Variants in GPR26 observed in about 807,000 individuals in gnomAD.
The protein encoded by GPR26 is G protein-coupled receptor 26.
In GPR26, 15 loss-of-function variants were observed where a neutral mutation model predicts 23.1. That is an observed-to-expected ratio of 0.65 (90% CI 0.43 to 1.00). The LOEUF (loss-of-function observed/expected upper bound fraction) is 1.00. Among genes scored for constraint, GPR26 ranks in the 50% least tolerant of loss-of-function variants. The pLI, the probability that GPR26 is intolerant of heterozygous loss-of-function variation, is 0.00. For missense variants in GPR26, 359 were observed against 470.5 expected (o/e 0.76, Z 2.19); for synonymous variants, 228 against 222.1 (o/e 1.03, Z -0.24).
In GPR26 at chr10:123,696,899, ATGTT is replaced by A. The variant is rs1216794770; in HGVS notation, c.*8743_*8746del. Among the ~76,000 whole-genome samples the A allele has an allele frequency of 6.6e-6, 1 of 151,822 alleles. No individual in the cohort carries two copies. The highest frequency in any genetic ancestry group is 2.4e-5 in the African/African-American group (1 of 41,246). ...CCCATGAGTATATGCATACGGGTGA[ATGTT>A]TGTGTGCCCATGAGTATATGCATAT... is the stretch of plus-strand genomic sequence containing the variant. On this transcript the variant is annotated 3_prime_UTR_variant, in exon 3 of 3. Transcript: ENST00000284674.
In GPR26 at chr10:123,694,711, A is replaced by C. The variant is rs1235175872; in HGVS notation, c.*6551A>C. On this transcript the variant is annotated 3_prime_UTR_variant, in exon 3 of 3. Coordinates refer to ENST00000284674, the MANE Select transcript of GPR26 (RefSeq NM_153442.4). Reference sequence around the variant, plus strand: ...GAAGGAAAAGAAAAAGAAGGAAGGAAGGAGTCCTAGCCACTTCTTTCTCCT... The same window carrying C: ...GAAGGAAAAGAAAAAGAAGGAAGGACGGAGTCCTAGCCACTTCTTTCTCCT... 6.6e-6 allele frequency: 1 copy of C among 152,396 alleles called. No homozygotes were observed. The allele number at this position is 152,396 out of a possible 1,614,324, so 9.4% of individuals were successfully genotyped here.
At chr10:123,668,120 G>A (rs982849616) in intron 1 of GPR26, among the ~76,000 whole-genome samples, 4 of 152,142 alleles carry the variant, frequency 2.6e-5, no homozygotes, top group South Asian at 2.1e-4. Context: ...AGGGCCTTCC[G>A]TGTGGGAGAA....
chr10:123,675,704 G>T (rs1312798331), intron 2 of GPR26, among the ~76,000 whole-genome samples: 2 of 151,940 alleles, frequency 1.3e-5, no homozygotes, highest in Non-Finnish European at 2.9e-5. Context: ...AACTAGTTGA[G>T]AAGTTGACAA....
rs1433826638 is a variant in GPR26, at chr10:123,690,447, A to G, written c.*2287A>G. 6.6e-6 allele frequency: 1 copy of G among 152,224 alleles called. No homozygotes were observed. The highest frequency in any genetic ancestry group is 2.4e-5 in the African/African-American group (1 of 41,454). The allele number at this position is 152,224 out of a possible 1,614,324, so 9.4% of individuals were successfully genotyped here. ...CTGCTTTCTCTGTACTGTATAGGCA[A>G]CATGTTGTACTCCCAGTAGCAACTA... On this transcript the variant is annotated 3_prime_UTR_variant, in exon 3 of 3. Transcript: ENST00000284674.
intron 1 of GPR26, among the ~76,000 whole-genome samples, chr10:123,669,038 G>A (rs896268181): frequency 1.3e-5 from 2 of 152,160 alleles, no homozygotes; most frequent in Admixed American, 6.5e-5. Flanking sequence ...GCTTGCCTTC[G>A]ATTTCCCCTC....
rs767034256 is a variant in GPR26, at chr10:123,666,827, C to T, written c.420C>T (p.Ala140=). The T allele has an allele frequency of 5.0e-6, 8 of 1,609,194 alleles. No homozygotes were observed. The East Asian group carries it at 6.7e-5, about 13-fold the overall frequency. ...TGCACGCGCTCACCTTCCCAGCCGC[C>T]GCGCTCGCCCTGTCCTGGCTCGGCT... The part of the protein sequence containing the change: ...TWLHALTFPA[A]ALALSWLGFH... Residue 140 remains alanine, a synonymous_variant, in exon 1 of 3, where the codon GCC becomes GCT. Transcript: ENST00000284674.
chr10:123,691,397 A>C lies in GPR26; in HGVS notation c.*3237A>C, dbSNP rs2133934229. 6.6e-6 allele frequency: 1 copy of C among 152,252 alleles called. No individual in the cohort carries two copies. Among genetic ancestry groups the C allele is most frequent in the Non-Finnish European group, 1.5e-5 (1 of 68,020 alleles). 9.4% of individuals were successfully genotyped at this position (152,252 alleles called of 1,614,324 possible). A position where few individuals can be genotyped will look rare whatever the true frequency, so the allele number is the denominator to read the frequency against. On this transcript the variant is annotated 3_prime_UTR_variant, in exon 3 of 3. Transcript: ENST00000284674. ...ATAAAACTCTCTCCTTATGTCTGTG[A>C]AATTCGTTTTCTTTTTCATGGTGCC... is the stretch of plus-strand genomic sequence containing the variant.
intron 1 of GPR26, among the ~76,000 whole-genome samples, chr10:123,673,921 C>CTCTTCTTCTTCT (rs10699563): frequency 4.3e-4 from 65 of 150,164 alleles, no homozygotes; most frequent in African/African-American, 1.2e-3. Context: ...CTTCCTCTTC[C>CTCTTCTTCTTCT]TCTTCTTCTT....
At chr10:123,673,822 C>A (rs1845276902) in intron 1 of GPR26, among the ~76,000 whole-genome samples, 1 of 152,214 alleles carries the variant, frequency 6.6e-6, no homozygotes, top group Non-Finnish European at 1.5e-5. Flanking sequence ...AGCTTTGAGT[C>A]ATGCACGAGG....
At position 123,666,368 on chromosome 10, in the gene GPR26, C is replaced by G; in HGVS notation, c.-40C>G. On this transcript the variant is annotated 5_prime_UTR_variant, in exon 1 of 3. Transcript: ENST00000284674. ...GGCCGCGGGCAGCGCCATGGCGGCGCCGGGTTGCGGACCCTGAGCGCCGGC... is the reference window on the plus strand; with the variant it reads ...GGCCGCGGGCAGCGCCATGGCGGCGGCGGGTTGCGGACCCTGAGCGCCGGC... 1 of 1,280,298 alleles carries G rather than the reference C, an allele frequency of 7.8e-7. No homozygotes were observed. The highest frequency in any genetic ancestry group is 2.3e-5 in the South Asian group (1 of 43,678). The allele number at this position is 1,280,298 out of a possible 1,614,324, so 79.3% of individuals were successfully genotyped here.
Position 123,694,326 on chromosome 10 carries a change from GT to G in GPR26, c.*6167del, listed in dbSNP as rs1845519705. Reference sequence around the variant, plus strand: ...AGGGGTCCAGTGGTGACAGAGCTCAGTGTGGGTCCAGAGATGGTGTCAGGTG... The same window carrying G: ...AGGGGTCCAGTGGTGACAGAGCTCAGGTGGGTCCAGAGATGGTGTCAGGTG... On this transcript the variant is annotated 3_prime_UTR_variant, in exon 3 of 3. Coordinates refer to ENST00000284674, the MANE Select transcript of GPR26 (RefSeq NM_153442.4). 1 of 153,084 alleles carries G rather than the reference GT, an allele frequency of 6.5e-6. No individual in the cohort carries two copies. The highest frequency in any genetic ancestry group is 1.5e-5 in the Non-Finnish European group (1 of 68,556). 9.5% of individuals were successfully genotyped at this position (153,084 alleles called of 1,614,324 possible).
chr10:123,669,974 C>T (rs1025652307), intron 1 of GPR26, among the ~76,000 whole-genome samples: 3 of 152,218 alleles, frequency 2.0e-5, no homozygotes, highest in African/African-American at 7.2e-5. Context: ...TTATAGGCAG[C>T]CCCTCTCCCT....
At position 123,674,815 on chromosome 10, in the gene GPR26, C is replaced by T. The variant is rs1320635535; in HGVS notation, c.669-3C>T. ...TTCACCTTCTCTCCTCTCTCACATG[C>T]AGTGTGCGGGAACGCTGTCTGGAGG... On this transcript the variant is annotated splice_polypyrimidine_tract_variant and splice_region_variant and intron_variant, in intron 1 of 2. Coordinates refer to ENST00000284674, the MANE Select transcript of GPR26 (RefSeq NM_153442.4). This position sits in a 1 kb window ranked among gnomAD's most constrained non-coding sequence, Gnocchi z 4.1. The T allele has an allele frequency of 2.5e-6, 4 of 1,604,306 alleles. No individual in the cohort carries two copies. The highest frequency in any genetic ancestry group is 2.2e-5 in the East Asian group (1 of 44,828).
intron 2 of GPR26, among the ~76,000 whole-genome samples, chr10:123,686,889 G>A (rs1845435826): frequency 6.6e-6 from 1 of 152,190 alleles, no homozygotes; most frequent in South Asian, 2.1e-4. Context: ...GGGTGGAGGA[G>A]ACAGTGTTAT....
At chr10:123,671,866 A>G (rs1845253535) in intron 1 of GPR26, among the ~76,000 whole-genome samples, 1 of 152,166 alleles carries the variant, frequency 6.6e-6, no homozygotes, top group African/African-American at 2.4e-5. Context: ...ATAACAGCTC[A>G]TAGGGCTGCA....
chr10:123,678,233 G>C (rs1302571460), intron 2 of GPR26, among the ~76,000 whole-genome samples: 1 of 152,186 alleles, frequency 6.6e-6, no homozygotes, highest in Non-Finnish European at 1.5e-5. Context: ...TTCTCTCTCT[G>C]TCAGCCCTCA....
chr10:123,682,242 G>T (rs759225230), intron 2 of GPR26, among the ~76,000 whole-genome samples: 1 of 152,132 alleles, frequency 6.6e-6, no homozygotes, highest in African/African-American at 2.4e-5. Context: ...AGTCTCCCAT[G>T]TCACTGACAG....
In GPR26 at chr10:123,674,580, G is replaced by A. The variant is rs1364482273; in HGVS notation, c.669-238G>A. Reference sequence around the variant, plus strand: ...CTTGTAGCATTTTATTACATTATGTGTAATACACTAAAATATATGATGCAT... The same window carrying A: ...CTTGTAGCATTTTATTACATTATGTATAATACACTAAAATATATGATGCAT... On this transcript the variant is annotated intron_variant, in intron 1 of 2. Transcript: ENST00000284674. The surrounding 1 kb of genome is among the most constrained non-coding windows in gnomAD (Gnocchi z 4.1). 6.6e-6 allele frequency among the ~76,000 whole-genome samples: 1 copy of A among 152,184 alleles called. No homozygotes were observed. Among genetic ancestry groups the A allele is most frequent in the African/African-American group, 2.4e-5 (1 of 41,426 alleles).
intron 2 of GPR26, among the ~76,000 whole-genome samples, chr10:123,681,008 C>T (rs7071348): frequency 0.41 from 61,498 of 151,686 alleles, 12,851 homozygotes; most frequent in African/African-American, 0.49. Flanking sequence ...CTGGGTGATT[C>T]TGATATTTTT....
Sources: allele counts gnomAD v4.1 joint callset (sites outside exome capture counted in the v4.1 genomes callset), GRCh38; gene constraint gnomAD v4.1.1; non-coding constraint Gnocchi (gnomAD v3.1); transcripts MANE v1.5; gene names NCBI Gene and HGNC (gene_info 2026-07-23, HGNC 2026-07-21).